The following PHKB variants were observed in gnomAD, a reference collection of about 807,000 sequenced individuals.
PHKB encodes phosphorylase b kinase regulatory subunit beta.
PHKB carries 122 observed loss-of-function variants against 152.1 expected under a neutral mutation model. The observed-to-expected ratio is 0.80, with a 90% CI of 0.69 to 0.93. PHKB has a LOEUF of 0.93. Ranked by LOEUF, PHKB falls within the 40% of genes least tolerant of loss-of-function variation. The probability of loss-of-function intolerance (pLI) is 0.00; values close to 1 mark genes in which losing one functional copy is unlikely to be tolerated. For missense variants in PHKB, 1,304 were observed against 1,328.4 expected, an observed-to-expected ratio of 0.98 and a Z score of 0.29; for synonymous variants, 436 against 464.9, an observed-to-expected ratio of 0.94 and a Z score of 0.80.
chr16:47,685,193 G>A (rs1023779026), intron 26 of PHKB, among the ~76,000 whole-genome samples: 3 of 152,058 alleles, frequency 2.0e-5, no homozygotes, highest in Admixed American at 6.6e-5. Context: ...TTGGGAGGCC[G>A]AGGTGGGCGG....
At chr16:47,669,168 CT>C (rs771599131) in intron 25 of PHKB, 46 bp from the exon 26 acceptor site, 27 of 1,451,286 alleles carry the variant, frequency 1.9e-5, no homozygotes, top group Non-Finnish European at 2.4e-5. Flanking sequence ...TAATTTTTAT[CT>C]TTTAGTAGCT....
chr16:47,566,557 C>A (rs1026724488), intron 7 of PHKB: 30 of 1,574,316 alleles, frequency 1.9e-5, no homozygotes, highest in African/African-American at 1.6e-4. Context: ...CTAAAGAATT[C>A]TTTAATGTAC....
intron 4 of PHKB, among the ~76,000 whole-genome samples, chr16:47,503,963 C>T (rs1195302024): frequency 6.6e-6 from 1 of 152,250 alleles, no homozygotes; most frequent in Admixed American, 6.5e-5. Context: ...TTACCTACAT[C>T]TCTGTGATCC....
At chr16:47,555,300 T>C (rs1971349453) in intron 7 of PHKB, among the ~76,000 whole-genome samples, 1 of 152,376 alleles carries the variant, frequency 6.6e-6, no homozygotes, top group South Asian at 2.1e-4. Flanking sequence ...AAGTCCTTGT[T>C]CTTCTAGGAA....
chr16:47,564,364 T>A (rs1314623782), intron 7 of PHKB, among the ~76,000 whole-genome samples: 1 of 152,166 alleles, frequency 6.6e-6, no homozygotes, highest in Non-Finnish European at 1.5e-5. Context: ...TTAATAATGG[T>A]AATTCTGGCT....
chr16:47,506,962 GT>G (rs904226321), intron 4 of PHKB, among the ~76,000 whole-genome samples: 2 of 152,086 alleles, frequency 1.3e-5, no homozygotes, highest in Admixed American at 6.6e-5. Flanking sequence ...TAGCCAGTTG[GT>G]TTTTTTATTG....
At chr16:47,529,345 A>ATTTTTTTT (rs759050927) in intron 6 of PHKB, 9 of 131,248 alleles carry the variant, frequency 6.9e-5, no homozygotes, top group African/African-American at 2.4e-4. Flanking sequence ...TTAAAAAATA[A>ATTTTTTTT]TTTTTTTTTT....
chr16:47,688,052 C>T (rs1378186731), intron 26 of PHKB, among the ~76,000 whole-genome samples: 1 of 152,170 alleles, frequency 6.6e-6, no homozygotes, highest in Non-Finnish European at 1.5e-5. Context: ...CCTGCAATAT[C>T]CTTGTAGGCT....
At chr16:47,533,037 G>T (rs1970888730) in intron 6 of PHKB, among the ~76,000 whole-genome samples, 1 of 152,150 alleles carries the variant, frequency 6.6e-6, no homozygotes, top group Admixed American at 6.5e-5. Flanking sequence ...GGAGACCATG[G>T]AGTGGGAAGC....
chr16:47,544,128 A>T (rs1215404105), intron 6 of PHKB, among the ~76,000 whole-genome samples: 1 of 152,008 alleles, frequency 6.6e-6, no homozygotes, highest in Non-Finnish European at 1.5e-5. Context: ...GCCTTCTCCT[A>T]GCTTTTGAAT....
At chr16:47,516,746 A>G (rs999401377) in intron 6 of PHKB, among the ~76,000 whole-genome samples, 1 of 152,202 alleles carries the variant, frequency 6.6e-6, no homozygotes, top group African/African-American at 2.4e-5. Context: ...TCATACAATA[A>G]ATAAATTCTA....
intron 14 of PHKB, among the ~76,000 whole-genome samples, chr16:47,622,606 G>A (rs1038396344): frequency 6.6e-5 from 10 of 152,254 alleles, no homozygotes; most frequent in Middle Eastern, 3.4e-3. Context: ...ATTCAGTTTC[G>A]CATTCAGTGA....
At chr16:47,603,797 G>A (rs868217746) in intron 13 of PHKB, among the ~76,000 whole-genome samples, 1 of 152,072 alleles carries the variant, frequency 6.6e-6, no homozygotes, top group African/African-American at 2.4e-5. Context: ...GAGCCACCAC[G>A]CTTGGCCAAT....
At chr16:47,542,660 T>A (rs937612309) in intron 6 of PHKB, among the ~76,000 whole-genome samples, 3 of 152,216 alleles carry the variant, frequency 2.0e-5, no homozygotes, top group African/African-American at 7.2e-5. Flanking sequence ...TTTATTTGTG[T>A]CCTCTTTTAT....
At chr16:47,564,971 T>TC (rs71134543) in intron 7 of PHKB, 10 of 237,226 alleles carry the variant, frequency 4.2e-5, no homozygotes, top group Middle Eastern at 1.7e-3. Flanking sequence ...TTTTTTTTTT[T>TC]CCCCCAGGAG....
At chr16:47,546,291 G>A (rs974191858) in intron 6 of PHKB, among the ~76,000 whole-genome samples, 1 of 152,108 alleles carries the variant, frequency 6.6e-6, no homozygotes, top group Non-Finnish European at 1.5e-5. Flanking sequence ...TGTCCTTTTC[G>A]TTGATGTCGA....
intron 26 of PHKB, among the ~76,000 whole-genome samples, chr16:47,681,495 T>C (rs1415552684): frequency 2.7e-5 from 4 of 150,802 alleles, no homozygotes; most frequent in Non-Finnish European, 4.4e-5. Context: ...TAGCTCTTCT[T>C]GTTGAATTGA....
At chr16:47,579,839 A>G (rs1252058603) in intron 7 of PHKB, among the ~76,000 whole-genome samples, 1 of 152,204 alleles carries the variant, frequency 6.6e-6, no homozygotes, top group Non-Finnish European at 1.5e-5. Context: ...TTTGAAGGAT[A>G]CTTTAAGCCA....
At chr16:47,565,643 C>T in intron 7 of PHKB, 2 of 1,151,610 alleles carry the variant, frequency 1.7e-6, no homozygotes, top group Non-Finnish European at 2.6e-6. Flanking sequence ...TCTGTGATGA[C>T]TCACTTCCTG....
Sources: gnomAD v4.1 joint callset for allele counts (sites outside exome capture counted in the v4.1 genomes callset) on GRCh38, gnomAD v4.1.1 for gene constraint, MANE v1.5 for transcripts, NCBI Gene and HGNC (gene_info 2026-07-23, HGNC 2026-07-21) for gene names.